Variants in TEX15 observed in about 807,000 individuals in gnomAD.
TEX15 encodes the protein testis-expressed protein 15.
In TEX15, 171 loss-of-function variants were observed where a neutral mutation model predicts 237.3. The ratio of observed to expected loss-of-function variants is 0.72; its 90% CI spans 0.64 to 0.82. The LOEUF (loss-of-function observed/expected upper bound fraction) is 0.82, where lower values mean the gene tolerates loss of function less well. TEX15 is among the 40% of genes least tolerant of loss of function. The pLI is 0.00. For missense variants in TEX15, 3,750 were observed against 3,646.5 expected, an observed-to-expected ratio of 1.03 and a Z score of -0.73; for synonymous variants, 1,338 against 1,269.8, an observed-to-expected ratio of 1.05 and a Z score of -1.14.
chr8:30,836,128 T>C (rs1445386041), intron 10 of TEX15, among the ~76,000 whole-genome samples: 1 of 151,082 alleles, frequency 6.6e-6, no homozygotes, highest in East Asian at 1.9e-4. Flanking sequence ...TTTATGTAGG[T>C]AAGTTTACAT....
At chr8:30,891,193 T>C (rs1273757894) in intron 2 of TEX15, among the ~76,000 whole-genome samples, 1 of 152,130 alleles carries the variant, frequency 6.6e-6, no homozygotes, top group Non-Finnish European at 1.5e-5. Flanking sequence ...CATTGCACTG[T>C]GTGGGGTGAG....
At chr8:30,864,522 G>GA (rs1396164232) in intron 5 of TEX15, among the ~76,000 whole-genome samples, 2 of 108,852 alleles carry the variant, frequency 1.8e-5, no homozygotes, top group East Asian at 2.6e-4. Context: ...GGGAAAAAAA[G>GA]AAAAAAAAAG....
chr8:30,850,031 A>G (rs1807741833), intron 7 of TEX15, among the ~76,000 whole-genome samples: 1 of 152,126 alleles, frequency 6.6e-6, no homozygotes, highest in Non-Finnish European at 1.5e-5. Context: ...ATAAGAAGGC[A>G]AAATAATCTC....
At chr8:30,897,223 G>T (rs1324476793) in intron 2 of TEX15, among the ~76,000 whole-genome samples, 1 of 152,118 alleles carries the variant, frequency 6.6e-6, no homozygotes, top group Admixed American at 6.6e-5. Context: ...TTGTGTTTTG[G>T]TAAGGTTTAA....
At chr8:30,892,421 A>C (rs544036770) in intron 2 of TEX15, among the ~76,000 whole-genome samples, 3 of 152,298 alleles carry the variant, frequency 2.0e-5, no homozygotes, top group South Asian at 2.1e-4. Flanking sequence ...GAAAAAAAAA[A>C]CAAATCTTGT....
rs1360053371 is a variant in TEX15 at position 30,837,245 on chromosome 8, G to A, written c.9039C>T (p.Ala3013=). 6.2e-7 allele frequency: 1 copy of A among 1,614,030 alleles called. No individual in the cohort carries two copies. ...KNSKVLMQNA[A]TYWNELPQSA... ...ACTGTGGAAGTTCATTCCAATATGT[G>A]GCAGCATTCTGCATTAGGACTTTTG... is the stretch of plus-strand genomic sequence containing the variant. The change falls in exon 10 of 11, where the codon GCC becomes GCT. Residue 3013 remains alanine, a synonymous_variant. Coordinates refer to ENST00000643185, the MANE Select transcript of TEX15 (RefSeq NM_001350162.2).
At chr8:30,834,251 C>T (rs1339403829) in intron 10 of TEX15, among the ~76,000 whole-genome samples, 1 of 152,188 alleles carries the variant, frequency 6.6e-6, no homozygotes, top group Non-Finnish European at 1.5e-5. Flanking sequence ...CGGCTCACTG[C>T]AACCTCCGCC....
At chr8:30,873,162 G>C (rs1193944425) in intron 4 of TEX15, among the ~76,000 whole-genome samples, 1 of 152,114 alleles carries the variant, frequency 6.6e-6, no homozygotes, top group Non-Finnish European at 1.5e-5. Flanking sequence ...CCACTTACTA[G>C]GCAGAAAATA....
In TEX15 at chr8:30,847,713, C is replaced by T. The variant is rs1194953905; in HGVS notation, c.2454G>A (p.Glu818=). 2 of 1,613,834 alleles carry T rather than the reference C, an allele frequency of 1.2e-6. No individual in the cohort carries two copies. The highest frequency in any genetic ancestry group is 1.7e-6 in the Non-Finnish European group (2 of 1,179,910). ...TTTCTTTATAGTCTCTCTGAATGTT[C>T]TCTAATGACACTGGTTCATTTTCAT... ...RKNENEPVSL[E]NIQRDYKETA... Residue 818 remains glutamate (E), a synonymous_variant, in exon 8 of 11, where the codon GAG becomes GAA. Coordinates refer to ENST00000643185, the MANE Select transcript of TEX15 (RefSeq NM_001350162.2).
At chr8:30,850,384 C>G (rs57852694) in intron 7 of TEX15, among the ~76,000 whole-genome samples, 1 of 152,054 alleles carries the variant, frequency 6.6e-6, no homozygotes, top group Non-Finnish European at 1.5e-5. Flanking sequence ...ACATTCATAG[C>G]TAAGTAACAC....
intron 7 of TEX15, among the ~76,000 whole-genome samples, chr8:30,857,696 T>C (rs528879292): frequency 3.9e-5 from 6 of 152,198 alleles, no homozygotes; most frequent in African/African-American, 1.4e-4. Context: ...TGAGGAAAAG[T>C]AAAATACAAA....
chr8:30,888,804 T>C (rs1203161714), intron 2 of TEX15: 1 of 394,624 alleles, frequency 2.5e-6, no homozygotes, highest in Admixed American at 3.5e-5. Flanking sequence ...CTGTTCTTTA[T>C]GAAAGGTGAT....
chr8:30,874,738 C>T (rs571085457), intron 4 of TEX15, among the ~76,000 whole-genome samples, 199 bp downstream of exon 4: 5 of 152,234 alleles, frequency 3.3e-5, no homozygotes, highest in Non-Finnish European at 5.9e-5. Context: ...TGAAATCTCA[C>T]TACATTAATA....
Position 30,837,834 on chromosome 8 carries a change from C to T in TEX15, c.8450G>A (p.Ser2817Asn), listed in dbSNP as rs1337392210. ...GAAGTTCACATTTCTTTTCTTCATG[C>T]TATTTAAATTTTCCTGTTGTCCACT... ...HFSGQQENLNSMKKRNVNFSA... is the reference protein window; with the variant it reads ...HFSGQQENLNNMKKRNVNFSA... The change falls in exon 10 of 11, where the codon AGC (serine) becomes AAC (asparagine). Residue 2817 changes from serine to asparagine, a missense_variant. Physicochemically the swap from Ser to Asn is conservative, Grantham distance 46 (BLOSUM62 1). Coordinates refer to ENST00000643185, the MANE Select transcript of TEX15 (RefSeq NM_001350162.2). 4 of 1,614,056 alleles carry T rather than the reference C, an allele frequency of 2.5e-6. No individual in the cohort carries two copies. Among genetic ancestry groups the T allele is most frequent in the Non-Finnish European group, 3.4e-6 (4 of 1,180,004 alleles).
At position 30,845,770 on chromosome 8, in the gene TEX15, G is replaced by C; in HGVS notation, c.4397C>G (p.Ser1466Cys). ...RKKRAPKADI[S>C]KSLTHVSKHK... Reference sequence around the variant, plus strand: ...CTTTGACACATGGGTTAATGATTTAGAAATATCAGCTTTTGGAGCTCTTTT... The same window carrying C: ...CTTTGACACATGGGTTAATGATTTACAAATATCAGCTTTTGGAGCTCTTTT... The change falls in exon 8 of 11, where the codon TCT becomes TGT. Residue 1466 changes from serine to cysteine, a missense_variant. Physicochemically the swap from Ser to Cys is moderately radical, Grantham distance 112. Transcript: ENST00000643185. 1 of 1,612,900 alleles carries C rather than the reference G, an allele frequency of 6.2e-7. No homozygotes were observed. Among genetic ancestry groups the C allele is most frequent in the Non-Finnish European group, 8.5e-7 (1 of 1,179,494 alleles).
intron 10 of TEX15, among the ~76,000 whole-genome samples, chr8:30,833,815 T>G (rs1807235015): frequency 6.6e-6 from 1 of 152,234 alleles, no homozygotes; most frequent in African/African-American, 2.4e-5. Context: ...TTAGAGTGAC[T>G]TTTGGATATT....
intron 5 of TEX15, among the ~76,000 whole-genome samples, chr8:30,865,850 G>A (rs896959905): frequency 1.2e-4 from 19 of 152,134 alleles, no homozygotes; most frequent in Middle Eastern, 3.4e-3. Context: ...ACTGAATGGG[G>A]AAAAATTGAA....
chr8:30,868,782 C>T (rs1001217502), intron 4 of TEX15, among the ~76,000 whole-genome samples: 2 of 151,432 alleles, frequency 1.3e-5, no homozygotes, highest in Non-Finnish European at 2.9e-5. Context: ...TTTGAAGGTA[C>T]ACAGAATAAA....
chr8:30,896,311 A>G (rs1184351276), intron 2 of TEX15, among the ~76,000 whole-genome samples: 2 of 152,220 alleles, frequency 1.3e-5, no homozygotes, highest in Non-Finnish European at 2.9e-5. Flanking sequence ...AATTTTATTT[A>G]AAATGGTTAT....
Sources: allele counts gnomAD v4.1 joint callset (sites outside exome capture counted in the v4.1 genomes callset), GRCh38; gene constraint gnomAD v4.1.1; transcripts MANE v1.5; gene names NCBI Gene and HGNC (gene_info 2026-07-23, HGNC 2026-07-21).